ULK2: variants seen among roughly 807,000 people sequenced by gnomAD.
The protein encoded by ULK2 is serine/threonine-protein kinase ULK2.
Under a neutral mutation model 127.5 loss-of-function variants are expected in ULK2, and 76 were observed. That is an observed-to-expected ratio of 0.60 (90% CI 0.50 to 0.72). ULK2 has a LOEUF of 0.72. Ranked by LOEUF, ULK2 falls within the 30% of genes least tolerant of loss-of-function variation. ULK2 has a pLI of 0.00. For synonymous variants in ULK2, 452 were observed against 461.9 expected, an observed-to-expected ratio of 0.98 and a Z score of 0.28; for missense variants, 1,144 against 1,295.9, an observed-to-expected ratio of 0.88 and a Z score of 1.80.
chr17:19,803,838 T>C (rs894477941), intron 15 of ULK2, among the ~76,000 whole-genome samples: 2 of 152,238 alleles, frequency 1.3e-5, no homozygotes, highest in African/African-American at 4.8e-5. Context: ...ATGTAGACTA[T>C]GTCCATGACA....
chr17:19,791,853 A>G (rs1264078399), intron 20 of ULK2, among the ~76,000 whole-genome samples: 2 of 148,042 alleles, frequency 1.4e-5, no homozygotes, highest in African/African-American at 5.1e-5. Flanking sequence ...ACAAAAAAAA[A>G]AAAAAAAAAA....
chr17:19,802,012 A>C (rs2087412171), intron 15 of ULK2, 90 bp from the exon 16 acceptor site: 2 of 1,430,212 alleles, frequency 1.4e-6, no homozygotes, highest in Non-Finnish European at 9.3e-7. Context: ...TATGCCACGG[A>C]GTAGTTTTCA....
chr17:19,797,288 C>T (rs1416997812), intron 18 of ULK2, 108 bp downstream of exon 18: 2 of 1,266,722 alleles, frequency 1.6e-6, no homozygotes, highest in Non-Finnish European at 1.1e-6. Context: ...CAAAGCAAGA[C>T]TCTGTCTCAA....
Position 19,856,977 on chromosome 17 carries a change from C to CAA in ULK2, c.226-7205_226-7204dup, listed in dbSNP as rs1157706276. On this transcript the variant is annotated intron_variant, in intron 3 of 26. Coordinates refer to ENST00000395544, the MANE Select transcript of ULK2 (RefSeq NM_014683.4). Reference sequence around the variant, plus strand: ...TGGTGACAAAGCGAGACTCCATCTCCAAAAAAAAAAAAAAAAAAAAAAAAA... The same window carrying CAA: ...TGGTGACAAAGCGAGACTCCATCTCCAAAAAAAAAAAAAAAAAAAAAAAAAAA... Among the ~76,000 whole-genome samples, 188 of 21,270 alleles carry CAA rather than the reference C, an allele frequency of 8.8e-3. 15 individuals carry two copies. In the East Asian group the frequency reaches 0.11, roughly 12 times the overall value. The allele number at this position is 21,270 out of a possible 152,430, so 14.0% of individuals were successfully genotyped here.
Position 19,841,540 on chromosome 17 carries a change from C to T in ULK2, c.653G>A (p.Ser218Asn). The change falls in exon 9 of 27, where the codon AGT becomes AAT. Residue 218 changes from serine (S) to asparagine (N), a missense_variant. Ser to Asn is a conservative substitution (Grantham distance 46). Coordinates refer to ENST00000395544, the MANE Select transcript of ULK2 (RefSeq NM_014683.4). ...LVGKPPFQAN[S>N]PQDLRMFYEK... ...ATAAAACATCCTTAAGTCTTGAGGA[C>T]TATTGGCCTATTAAAAAAAAAAAGG... The T allele has an allele frequency of 6.4e-7, 1 of 1,569,096 alleles. No individual in the cohort carries two copies. The highest frequency in any genetic ancestry group is 8.6e-7 in the Non-Finnish European group (1 of 1,165,950).
intron 3 of ULK2, chr17:19,856,088 A>G (rs2042120211): frequency 6.6e-6 from 1 of 152,140 alleles, no homozygotes; most frequent in South Asian, 2.1e-4. Flanking sequence ...GTTTACACCT[A>G]CGTATCTACC....
intron 10 of ULK2, among the ~76,000 whole-genome samples, chr17:19,827,861 G>C (rs544050479): frequency 6.6e-6 from 1 of 150,584 alleles, no homozygotes; most frequent in Non-Finnish European, 1.5e-5. Context: ...GGTGAGCCGA[G>C]AACCTGCCAT....
At chr17:19,777,449 G>T in intron 26 of ULK2, 132 bp downstream of exon 26, 1 of 991,524 alleles carries the variant, frequency 1.0e-6, no homozygotes, top group Non-Finnish European at 1.4e-6. Context: ...CACAAAGGCT[G>T]TGATTTGCAC....
At chr17:19,864,141 T>C (rs1259424420) in intron 3 of ULK2, among the ~76,000 whole-genome samples, 1 of 152,056 alleles carries the variant, frequency 6.6e-6, no homozygotes, top group Non-Finnish European at 1.5e-5. Context: ...ACCCTATCTC[T>C]ACAAAATAAA....
At chr17:19,860,688 C>T (rs897736415) in intron 3 of ULK2, among the ~76,000 whole-genome samples, 1 of 151,928 alleles carries the variant, frequency 6.6e-6, no homozygotes, top group Admixed American at 6.6e-5. Flanking sequence ...CCATGCCCAG[C>T]TAATTTTGTA....
chr17:19,777,776 T>C, intron 25 of ULK2, 60 bp from the exon 26 acceptor site: 2 of 1,556,000 alleles, frequency 1.3e-6, no homozygotes, highest in East Asian at 2.3e-5. Context: ...ACAAATCCAT[T>C]TGGGCAATGA....
chr17:19,847,652 A>C (rs781145016), intron 5 of ULK2, among the ~76,000 whole-genome samples: 1 of 152,042 alleles, frequency 6.6e-6, no homozygotes, highest in Non-Finnish European at 1.5e-5. Flanking sequence ...CGGGTTCAAG[A>C]GATTCTCCAG....
chr17:19,829,262 A>T (rs1287323750), intron 10 of ULK2, among the ~76,000 whole-genome samples: 1 of 152,138 alleles, frequency 6.6e-6, no homozygotes, highest in Non-Finnish European at 1.5e-5. Flanking sequence ...AAGGCCAAGT[A>T]CACTGGCTTA....
At chr17:19,808,298 GAAC>G (rs2087556643) in intron 14 of ULK2, among the ~76,000 whole-genome samples, 1 of 152,074 alleles carries the variant, frequency 6.6e-6, no homozygotes, top group African/African-American at 2.4e-5. Context: ...TTAAAGGCCT[GAAC>G]ATTATACCCA....
chr17:19,846,691 A>G, intron 6 of ULK2, 46 bp downstream of exon 6: 2 of 1,507,420 alleles, frequency 1.3e-6, no homozygotes, highest in Non-Finnish European at 1.8e-6. Flanking sequence ...GTCTAAAAAT[A>G]GTTTCAAAAA....
chr17:19,856,802 C>T (rs1205529438), intron 3 of ULK2, among the ~76,000 whole-genome samples: 2 of 150,400 alleles, frequency 1.3e-5, no homozygotes, highest in Non-Finnish European at 3.0e-5. Context: ...GAAACCCCGT[C>T]TCTACTAAAA....
chr17:19,781,750 T>C (rs1243724700), intron 23 of ULK2, 139 bp downstream of exon 23: 1 of 975,728 alleles, frequency 1.0e-6, no homozygotes, highest in Non-Finnish European at 1.5e-6. Context: ...TATAGTGAAA[T>C]GTAGTACAAA....
chr17:19,865,084 C>G (rs1388860755), intron 2 of ULK2, among the ~76,000 whole-genome samples: 4 of 152,112 alleles, frequency 2.6e-5, no homozygotes, highest in Non-Finnish European at 2.9e-5. Context: ...GAGCTCTCCA[C>G]AGGAAGCAGT....
chr17:19,854,918 G>A (rs916321728), intron 3 of ULK2, among the ~76,000 whole-genome samples: 44 of 151,740 alleles, frequency 2.9e-4, no homozygotes, highest in African/African-American at 9.9e-4. Context: ...GGCCAAGATG[G>A]TGAAACCCCT....
Sources: gnomAD v4.1 joint callset for allele counts (sites outside exome capture counted in the v4.1 genomes callset) on GRCh38, gnomAD v4.1.1 for gene constraint, MANE v1.5 for transcripts, NCBI Gene and HGNC (gene_info 2026-07-23, HGNC 2026-07-21) for gene names.